The following RIF1 variants were observed in gnomAD, a reference collection of about 807,000 sequenced individuals.
RIF1 encodes the protein replication timing regulatory factor 1, also known as telomere-associated protein RIF1.
RIF1 carries 45 observed loss-of-function variants against 247.1 expected under a neutral mutation model. That is an observed-to-expected ratio of 0.18 (90% confidence interval 0.14 to 0.23). The LOEUF is 0.23. Among genes scored for constraint, RIF1 ranks in the 10% least tolerant of loss-of-function variants. RIF1 has a pLI of 1.00. For missense variants in RIF1, 2,967 were observed against 2,862.5 expected, an observed-to-expected ratio of 1.04 and a Z score of -0.83; for synonymous variants, 1,087 against 978.8, an observed-to-expected ratio of 1.11 and a Z score of -2.06.
In RIF1 at chr2:151,442,048, TTTTTATTTTA is replaced by T. The variant is rs58326774; in HGVS notation, c.1734+86_1734+95del. 3.2e-4 allele frequency: 75 copies of T among 237,780 alleles called. 1 individual carries two copies. The highest frequency in any genetic ancestry group is 1.5e-3 in the Middle Eastern group (1 of 658). The allele number at this position is 237,780 out of a possible 1,614,324, so 14.7% of individuals were successfully genotyped here. A position where few individuals can be genotyped will look rare whatever the true frequency, so the allele number is the denominator to read the frequency against. Reference sequence around the variant, plus strand: ...TGGCCAAAAACATTTATACTTCCCTTTTTTATTTTATTTTATTTTATTTTATTTTATTTTA... The same window carrying T: ...TGGCCAAAAACATTTATACTTCCCTTTTTTATTTTATTTTATTTTATTTTA... On this transcript the variant is annotated intron_variant, in intron 16 of 35. Coordinates refer to ENST00000444746, the MANE Select transcript of RIF1 (RefSeq NM_018151.5).
Position 151,465,165 on chromosome 2 carries a change from A to T in RIF1, c.5645A>T (p.Glu1882Val). ...CAGGAATCTTTGGAGACAAAAGAAG[A>T]AAAACCAGAAGAAACCCCAAAAATG... ...VSQESLETKE[E>V]KPEETPKMEL... Residue 1882 changes from glutamate to valine, a missense_variant, in exon 30 of 36, where the codon GAA (glutamate) becomes GTA (valine). Physicochemically the swap from Glu to Val is moderately radical, Grantham distance 121. Transcript: ENST00000444746. 1 of 1,613,784 alleles carries T rather than the reference A, an allele frequency of 6.2e-7. No individual in the cohort carries two copies. Among genetic ancestry groups the T allele is most frequent in the Non-Finnish European group, 8.5e-7 (1 of 1,179,932 alleles).
chr2:151,504,224 A>G (rs960962241), intron 12 of RIF1, among the ~76,000 whole-genome samples: 4 of 152,178 alleles, frequency 2.6e-5, no homozygotes, highest in Non-Finnish European at 4.4e-5. Flanking sequence ...ACGTACCCAG[A>G]TTTTAATTCT....
At chr2:151,447,558 T>C (rs1693532980) in intron 20 of RIF1, among the ~76,000 whole-genome samples, 1 of 152,204 alleles carries the variant, frequency 6.6e-6, no homozygotes, top group African/African-American at 2.4e-5. Flanking sequence ...TTATTTATTA[T>C]TTTTTGAGAC....
At chr2:151,492,523 G>T (rs749444070) in intron 9 of RIF1, 3 of 1,502,004 alleles carry the variant, frequency 2.0e-6, no homozygotes, top group African/African-American at 1.4e-5. Flanking sequence ...TGAATGAGTG[G>T]TGCTGTCCTA....
At chr2:151,424,391 C>T (rs372889469) in intron 8 of RIF1, among the ~76,000 whole-genome samples, 51 of 152,224 alleles carry the variant, frequency 3.4e-4, no homozygotes, top group African/African-American at 1.2e-3. Context: ...CGTGAGCCAC[C>T]GTGCCTGGAA....
At chr2:151,440,480 C>T (rs1229270564) in intron 15 of RIF1, among the ~76,000 whole-genome samples, 1 of 151,892 alleles carries the variant, frequency 6.6e-6, no homozygotes, top group African/African-American at 2.4e-5. Flanking sequence ...ACTTTGTTTT[C>T]AATTAACTGT....
At chr2:151,520,645 A>T in the RIF1 span, among the ~76,000 whole-genome samples, 6 of 152,276 alleles carry the variant, frequency 3.9e-5, no homozygotes, top group East Asian at 5.8e-4. Flanking sequence ...TGGGTGAATT[A>T]CTTGAGCCCA....
intron 2 of RIF1, 104 bp from the exon 3 acceptor site, chr2:151,411,156 C>A (rs1335102361): frequency 1.4e-6 from 1 of 716,634 alleles, no homozygotes; most frequent in East Asian, 2.6e-5. Flanking sequence ...AATTCATTTG[C>A]AGGAGTTAGA....
At chr2:151,430,683 A>G (rs1216165644) in intron 9 of RIF1, among the ~76,000 whole-genome samples, 1 of 104,774 alleles carries the variant, frequency 9.5e-6, no homozygotes, top group Admixed American at 9.3e-5. Flanking sequence ...CCCTCCCCCC[A>G]CTTAGGGTCT....
chr2:151,498,891 T>TAGAA (rs1553559252), intron 10 of RIF1, among the ~76,000 whole-genome samples: 1 of 150,220 alleles, frequency 6.7e-6, no homozygotes, highest in African/African-American at 2.4e-5. Flanking sequence ...GATAAGGTGC[T>TAGAA]AAAAAAAAGA....
At chr2:151,459,659 G>C (rs1411747063) in intron 25 of RIF1, among the ~76,000 whole-genome samples, 1 of 152,144 alleles carries the variant, frequency 6.6e-6, no homozygotes, top group Non-Finnish European at 1.5e-5. Flanking sequence ...AATGTTTAAA[G>C]TTCTATGGCT....
At chr2:151,484,590 T>C (rs1230790556), downstream of RIF1, among the ~76,000 whole-genome samples, 2 of 152,352 alleles carry the variant, frequency 1.3e-5, no homozygotes, top group East Asian at 3.9e-4. Context: ...AGGGAGACTC[T>C]GTCTCCAAAC....
chr2:151,459,305 A>C (rs899516554), intron 25 of RIF1, among the ~76,000 whole-genome samples: 3 of 152,350 alleles, frequency 2.0e-5, no homozygotes, highest in Non-Finnish European at 4.4e-5. Flanking sequence ...GTCACATGGC[A>C]TTAGGAGCAA....
At chr2:151,439,338 T>C (rs2152359498) in intron 14 of RIF1, among the ~76,000 whole-genome samples, 1 of 152,228 alleles carries the variant, frequency 6.6e-6, no homozygotes, top group East Asian at 1.9e-4. Flanking sequence ...TACAGCTCTC[T>C]GTATAGTCAT....
At position 151,468,099 on chromosome 2, in the gene RIF1, T is replaced by A. The variant is rs1697230830; in HGVS notation, c.6700T>A (p.Ser2234Thr). ...SIVRSHSSNS[S>T]PIGKSVKTSP... Reference sequence around the variant, plus strand: ...TGTTAGGTCCCATTCTTCCAATAGTTCTCCCATAGGAAAAAGTGTTAAAAC... The same window carrying A: ...TGTTAGGTCCCATTCTTCCAATAGTACTCCCATAGGAAAAAGTGTTAAAAC... Residue 2234 changes from serine to threonine, a missense_variant, in exon 31 of 36, where the codon TCT becomes ACT. Around this residue, in one of 7 missense-constraint regions of RIF1, gnomAD observed 2,028 missense variants for 1,825.6 expected, o/e 1.11. Coordinates refer to ENST00000444746, the MANE Select transcript of RIF1 (RefSeq NM_018151.5). The A allele has an allele frequency of 6.2e-7, 1 of 1,613,532 alleles. No homozygotes were observed. Among genetic ancestry groups the A allele is most frequent in the Non-Finnish European group, 8.5e-7 (1 of 1,179,574 alleles).
At chr2:151,411,373 T>A in intron 3 of RIF1, 35 bp downstream of exon 3, 1 of 1,369,166 alleles carries the variant, frequency 7.3e-7, no homozygotes, top group Non-Finnish European at 1.0e-6. Context: ...TTTTCACTTT[T>A]GGTAGTTTGG....
chr2:151,436,865 A>G lies in RIF1; in HGVS notation c.1234A>G (p.Met412Val). 2 of 1,613,190 alleles carry G rather than the reference A, an allele frequency of 1.2e-6. No individual in the cohort carries two copies. The highest frequency in any genetic ancestry group is 1.3e-5 in the African/African-American group (1 of 74,980). Residue 412 changes from methionine (M) to valine (V), a missense_variant, in exon 12 of 36, where the codon ATG becomes GTG. Around this residue, in one of 7 missense-constraint regions of RIF1, gnomAD observed 369 missense variants for 322.0 expected, o/e 1.15. Coordinates refer to ENST00000444746, the MANE Select transcript of RIF1 (RefSeq NM_018151.5). ...SPYGAPGTPRMNLSSNLGGMA... is the reference protein window; with the variant it reads ...SPYGAPGTPRVNLSSNLGGMA... The stretch of plus-strand genomic sequence containing the variant: ...GTACGGAGCCCCGGGAACTCCCCGA[A>G]TGAACCTGAGTTCGAATTTAGGTGG...
chr2:151,420,890 G>C (rs1443993261), intron 7 of RIF1, among the ~76,000 whole-genome samples: 1 of 152,106 alleles, frequency 6.6e-6, no homozygotes, highest in Non-Finnish European at 1.5e-5. Context: ...ATCTATTGTT[G>C]CTAAAATCCA....
Position 151,480,450 on chromosome 2 carries a change from T to A in RIF1, c.*5379T>A, listed in dbSNP as rs2049119380. On this transcript the variant is annotated 3_prime_UTR_variant, in exon 36 of 36. Coordinates refer to ENST00000444746, the MANE Select transcript of RIF1 (RefSeq NM_018151.5). ...GTACATTTAGTAGAGAGACAAGCTG[T>A]CCTATATACTCCTGTATACTTCAGA... 2 of 152,180 alleles carry A rather than the reference T, an allele frequency of 1.3e-5. No individual in the cohort carries two copies. Among genetic ancestry groups the A allele is most frequent in the Non-Finnish European group, 2.9e-5 (2 of 68,004 alleles). The allele number at this position is 152,180 out of a possible 1,614,324, so 9.4% of individuals were successfully genotyped here.
Sources: gnomAD v4.1 joint callset for allele counts (sites outside exome capture counted in the v4.1 genomes callset) on GRCh38, gnomAD v4.1.1 for gene constraint, gnomAD v4.1.1 regional missense constraint, MANE v1.5 for transcripts, NCBI Gene and HGNC (gene_info 2026-07-23, HGNC 2026-07-21) for gene names.